SNX29: variants seen among roughly 807,000 people sequenced by gnomAD.
The protein encoded by SNX29 is sorting nexin 29.
A neutral mutation model predicts 102.1 loss-of-function variants in SNX29; 78 were observed. The observed-to-expected ratio is 0.76, with a 90% CI of 0.64 to 0.92. The LOEUF (loss-of-function observed/expected upper bound fraction) is 0.92. Among genes scored for constraint, SNX29 ranks in the 40% least tolerant of loss-of-function variants. The pLI is 0.00. For missense variants in SNX29, 1,280 were observed against 1,061.7 expected, an observed-to-expected ratio of 1.21 and a Z score of -2.86; for synonymous variants, 580 against 414.5, an observed-to-expected ratio of 1.40 and a Z score of -4.85.
chr16:12,420,679 A>C (rs564321488), intron 18 of SNX29, among the ~76,000 whole-genome samples: 5 of 152,342 alleles, frequency 3.3e-5, no homozygotes, highest in Admixed American at 1.3e-4. Flanking sequence ...ATAAGGATTA[A>C]ATGAGATGAT....
At chr16:12,539,849 G>A (rs1221914417) in intron 20 of SNX29, among the ~76,000 whole-genome samples, 1 of 152,208 alleles carries the variant, frequency 6.6e-6, no homozygotes, top group Non-Finnish European at 1.5e-5. Context: ...AAGTAAGTAA[G>A]TGTCCAAGTA....
chr16:12,207,799 A>G (rs1329355824), intron 14 of SNX29, among the ~76,000 whole-genome samples: 2 of 152,156 alleles, frequency 1.3e-5, no homozygotes, highest in Non-Finnish European at 2.9e-5. Flanking sequence ...ACGAGCAGTA[A>G]GCAGAGTCTG....
chr16:12,064,731 G>C (rs1449302286), intron 9 of SNX29, among the ~76,000 whole-genome samples: 1 of 152,202 alleles, frequency 6.6e-6, no homozygotes, highest in African/African-American at 2.4e-5. Flanking sequence ...TCCATGGGAG[G>C]TGTGGGGCCG....
intron 11 of SNX29, among the ~76,000 whole-genome samples, chr16:12,110,476 C>G (rs1361299065): frequency 6.6e-6 from 1 of 152,124 alleles, no homozygotes; most frequent in African/African-American, 2.4e-5. Context: ...AAGCAAGAGT[C>G]CAGCTTTTAG....
chr16:12,349,653 G>A (rs951462806), intron 15 of SNX29, among the ~76,000 whole-genome samples: 2 of 152,164 alleles, frequency 1.3e-5, no homozygotes, highest in Non-Finnish European at 2.9e-5. Flanking sequence ...CTGGTCCTGA[G>A]CATTTTGGAT....
At chr16:12,478,047 ATG>A (rs1464152173) in intron 19 of SNX29, among the ~76,000 whole-genome samples, 188 bp downstream of exon 19, 1 of 152,226 alleles carries the variant, frequency 6.6e-6, no homozygotes, top group East Asian at 1.9e-4. Context: ...CCATTACGTC[ATG>A]TGTGTGTGTA....
intron 13 of SNX29, among the ~76,000 whole-genome samples, chr16:12,134,717 C>CT (rs2054596615): frequency 6.6e-6 from 1 of 152,208 alleles, no homozygotes; most frequent in Non-Finnish European, 1.5e-5. Context: ...AGTGGTGTGA[C>CT]TAGCAGGAGG....
intron 17 of SNX29, among the ~76,000 whole-genome samples, chr16:12,402,926 T>C (rs1332824670): frequency 6.6e-6 from 1 of 151,940 alleles, no homozygotes; most frequent in Non-Finnish European, 1.5e-5. Flanking sequence ...TTGCCATGAG[T>C]GTTGGTCTCC....
intron 15 of SNX29, among the ~76,000 whole-genome samples, chr16:12,311,106 A>G (rs973694193): frequency 6.6e-6 from 1 of 152,206 alleles, no homozygotes; most frequent in African/African-American, 2.4e-5. Context: ...GGTCCTTCCT[A>G]ATCAACTCGA....
At chr16:12,386,021 G>T (rs1205102042) in intron 16 of SNX29, among the ~76,000 whole-genome samples, 1 of 152,204 alleles carries the variant, frequency 6.6e-6, no homozygotes, top group Non-Finnish European at 1.5e-5. Context: ...CCCAGGCAGG[G>T]GCGGCCTCAG....
At chr16:12,369,003 G>A (rs1214351301) in intron 16 of SNX29, among the ~76,000 whole-genome samples, 2 of 152,166 alleles carry the variant, frequency 1.3e-5, no homozygotes, top group East Asian at 1.9e-4. Context: ...GATTGAATAA[G>A]TAAGCTTCCT....
intron 15 of SNX29, among the ~76,000 whole-genome samples, chr16:12,290,989 C>A (rs1596780849): frequency 6.6e-6 from 1 of 152,124 alleles, no homozygotes; most frequent in Non-Finnish European, 1.5e-5. Flanking sequence ...GGTATCTATT[C>A]AGCTTGTTAT....
intron 16 of SNX29, among the ~76,000 whole-genome samples, chr16:12,384,686 A>G (rs1010863233): frequency 4.6e-5 from 7 of 151,990 alleles, no homozygotes; most frequent in African/African-American, 1.7e-4. Context: ...CACTTTGCTC[A>G]TTGTTTTCTT....
At chr16:12,512,166 AT>A (rs1161683859) in intron 19 of SNX29, among the ~76,000 whole-genome samples, 1 of 151,178 alleles carries the variant, frequency 6.6e-6, no homozygotes, top group Non-Finnish European at 1.5e-5. Flanking sequence ...GTAGGGAGGC[AT>A]TTGCATTGGC....
At chr16:12,209,870 G>C (rs16959064) in intron 14 of SNX29, among the ~76,000 whole-genome samples, 11,289 of 152,194 alleles carry the variant, frequency 0.074, 493 homozygotes, top group East Asian at 0.17. Context: ...CTGAAGACTC[G>C]CTTCATAAGA....
At chr16:12,112,878 G>T (rs1485059654) in intron 11 of SNX29, among the ~76,000 whole-genome samples, 2 of 152,198 alleles carry the variant, frequency 1.3e-5, no homozygotes, top group Admixed American at 6.5e-5. Flanking sequence ...ATGGAATGGA[G>T]AATATTTCCC....
intron 14 of SNX29, among the ~76,000 whole-genome samples, chr16:12,219,662 T>C (rs949474937): frequency 5.3e-5 from 8 of 152,258 alleles, no homozygotes; most frequent in African/African-American, 1.9e-4. Context: ...TTTCTCTTAT[T>C]GAAAATTCAT....
intron 6 of SNX29, among the ~76,000 whole-genome samples, 164 bp from the exon 7 acceptor site, chr16:12,048,207 GC>G: frequency 6.6e-6 from 1 of 151,506 alleles, no homozygotes; most frequent in Non-Finnish European, 1.5e-5. Flanking sequence ...GAGTGCAGTG[GC>G]GCGATTTTCG....
At position 12,455,533 on chromosome 16, in the gene SNX29, T is replaced by A. The variant is rs1031211387; in HGVS notation, c.2038-22186T>A. ...ACATTAGCCAGTGTTCCTTGTCTCT[T>A]CCCTCCCTGAGTTGTGGATCCCGGG... On this transcript the variant is annotated intron_variant, in intron 18 of 20. Transcript: ENST00000566228. Among the ~76,000 whole-genome samples, 8 of 152,324 alleles carry A rather than the reference T, an allele frequency of 5.3e-5. No individual in the cohort carries two copies. The South Asian group carries it at 1.4e-3, about 28-fold the overall frequency.
Sources: allele counts gnomAD v4.1 joint callset (sites outside exome capture counted in the v4.1 genomes callset), GRCh38; gene constraint gnomAD v4.1.1; transcripts MANE v1.5; gene names NCBI Gene and HGNC (gene_info 2026-07-23, HGNC 2026-07-21).